Variants in EEF1D observed in about 807,000 individuals in gnomAD.
EEF1D encodes elongation factor 1-delta.
Under a neutral mutation model 63.9 loss-of-function variants are expected in EEF1D, and 47 were observed. The observed-to-expected ratio is 0.74, with a 90% CI of 0.58 to 0.94. EEF1D has a LOEUF of 0.94. EEF1D is among the 40% of genes least tolerant of loss of function. The pLI is 0.00. For synonymous variants in EEF1D, 412 were observed against 386.1 expected (o/e 1.07, Z -0.79); for missense variants, 907 against 899.0 (o/e 1.01, Z -0.11).
At chr8:143,590,657 C>A in intron 2 of EEF1D, 1 of 931,016 alleles carries the variant, frequency 1.1e-6, no homozygotes, top group Non-Finnish European at 1.3e-6. Flanking sequence ...GTAATCCCAA[C>A]ACTTTGGGAG....
Position 143,589,651 on chromosome 8 carries a change from G to A in EEF1D, c.431C>T (p.Pro144Leu). The A allele has an allele frequency of 6.5e-7, 1 of 1,543,176 alleles. No individual in the cohort carries two copies. Among genetic ancestry groups the A allele is most frequent in the Non-Finnish European group, 8.7e-7 (1 of 1,143,566 alleles). The change falls in exon 3 of 10, where the codon CCT (proline) becomes CTT (leucine). Residue 144 changes from proline (P) to leucine (L), a missense_variant. Coordinates refer to ENST00000618139, the MANE Select transcript of EEF1D (RefSeq NM_001130053.5). ...GTTTCCATGGGTGCAGAGACCCCAA[G>A]GGGCCAAGGCAGGAGGCCAGGCTGC... is the stretch of plus-strand genomic sequence containing the variant. Reference protein sequence around the residue: ...AQAAWPPALAPWGLCTHGNQV... With the variant: ...AQAAWPPALALWGLCTHGNQV...
At chr8:143,590,494 A>G in intron 2 of EEF1D, 1 of 1,144,816 alleles carries the variant, frequency 8.7e-7, no homozygotes, top group Non-Finnish European at 1.1e-6. Context: ...ATTTTTCCAC[A>G]GGCCAGGCCT....
chr8:143,591,231 G>C (rs527912147), intron 2 of EEF1D, among the ~76,000 whole-genome samples: 24 of 152,340 alleles, frequency 1.6e-4, no homozygotes, highest in African/African-American at 5.5e-4. Flanking sequence ...CTTGGTGGGA[G>C]GCAGGTTGTG....
intron 1 of EEF1D, 87 bp from the exon 2 acceptor site, chr8:143,592,747 C>T (rs1419809396): frequency 9.2e-6 from 9 of 977,230 alleles, no homozygotes; most frequent in African/African-American, 7.0e-5. Flanking sequence ...CAGCCCGGGG[C>T]GGCCGGGGGC....
chr8:143,584,162 A>AG (rs1826087854), intron 5 of EEF1D: 1 of 152,266 alleles, frequency 6.6e-6, no homozygotes, highest in Admixed American at 6.5e-5. Context: ...ATCCTGGCCC[A>AG]GGAAGTGGGG....
chr8:143,581,277 C>T lies in EEF1D; in HGVS notation c.1339G>A (p.Val447Ile), dbSNP rs760021329. The T allele has an allele frequency of 3.7e-6, 6 of 1,612,340 alleles. No individual in the cohort carries two copies. The highest frequency in any genetic ancestry group is 1.8e-4 in the Middle Eastern group (1 of 5,708). ...ACTTCCAGACTGGCAATCCGGACGA[C>T]GAGCTCACCGTGGTCTCCGCTGGTG... Reference protein sequence around the residue: ...SGTSGDHGELVVRIASLEVEN... With the variant: ...SGTSGDHGELIVRIASLEVEN... The change falls in exon 6 of 10, where the codon GTC becomes ATC. Residue 447 changes from valine to isoleucine, a missense_variant. By Grantham distance (29) the Val-to-Ile change is conservative. Coordinates refer to ENST00000618139, the MANE Select transcript of EEF1D (RefSeq NM_001130053.5).
At position 143,586,782 on chromosome 8, in the gene EEF1D, C is replaced by T; in HGVS notation, c.1162G>A (p.Glu388Lys). Residue 388 changes from glutamate (E) to lysine (K), a missense_variant, in exon 4 of 10, where the codon GAA becomes AAA. Physicochemically the swap from Glu to Lys is moderately conservative, Grantham distance 56. Coordinates refer to ENST00000618139, the MANE Select transcript of EEF1D (RefSeq NM_001130053.5). ...WFDKFKYDDA[E>K]RRFYEQMNGP... is the part of the protein sequence containing the mutation. ...TTCATCTGCTCGTAGAATCTCCTTT[C>T]TGCGTCGTCATATTTGAACTTGTCG... 2 of 1,614,212 alleles carry T rather than the reference C, an allele frequency of 1.2e-6. No homozygotes were observed. Among genetic ancestry groups the T allele is most frequent in the Non-Finnish European group, 1.7e-6 (2 of 1,180,034 alleles).
rs960688610 is a variant in EEF1D, at chr8:143,584,595, A to G, written c.1287+1624T>C. 4.0e-4 allele frequency among the ~76,000 whole-genome samples: 61 copies of G among 151,206 alleles called. 2 individuals are homozygous for G. The East Asian group carries it at 0.011, about 28-fold the overall frequency. On this transcript the variant is annotated intron_variant, in intron 5 of 9. Coordinates refer to ENST00000618139, the MANE Select transcript of EEF1D (RefSeq NM_001130053.5). Reference sequence around the variant, plus strand: ...CTCACCCACCCCCTCCAAAAGAAAAACCCTAGCCTGTCTTGAGCACCCTGT... The same window carrying G: ...CTCACCCACCCCCTCCAAAAGAAAAGCCCTAGCCTGTCTTGAGCACCCTGT...
chr8:143,595,633 A>G (rs1828670518), intron 1 of EEF1D, among the ~76,000 whole-genome samples: 1 of 152,106 alleles, frequency 6.6e-6, no homozygotes. Flanking sequence ...CAGAGCACTC[A>G]CTGTAGCTAC....
At chr8:143,580,769 C>G (rs749409266) in intron 7 of EEF1D, 42 bp from the exon 8 acceptor site, 2 of 1,603,354 alleles carry the variant, frequency 1.2e-6, no homozygotes, top group Admixed American at 1.7e-5. Flanking sequence ...TGAGACGCCC[C>G]AACCAGGGCC....
At chr8:143,584,402 A>AG (rs1044665471) in intron 5 of EEF1D, among the ~76,000 whole-genome samples, 99 of 152,028 alleles carry the variant, frequency 6.5e-4, no homozygotes, top group African/African-American at 2.2e-3. Flanking sequence ...AAAAAAAAAA[A>AG]AAAGAAAAAA....
rs767879691 is a variant in EEF1D at position 143,589,246 on chromosome 8, CG to C, written c.835del (p.Arg279GlyfsTer6). ...CTTGTTCCCTAAGATGTTGCGGCCC[CG>C]CCGGTCTCTGCGGCCCCGCCGGGCA... ...EGARRGRRDR[R>X]GRNILGNKRA... On this transcript the variant is annotated frameshift_variant, in exon 3 of 10. Coordinates refer to ENST00000618139, the MANE Select transcript of EEF1D (RefSeq NM_001130053.5). LOFTEE classifies it high-confidence loss of function. 2 of 1,581,956 alleles carry C rather than the reference CG, an allele frequency of 1.3e-6. No individual in the cohort carries two copies. Among genetic ancestry groups the C allele is most frequent in the Non-Finnish European group, 1.7e-6 (2 of 1,162,368 alleles).
intron 2 of EEF1D, chr8:143,590,898 G>C (rs1402236556): frequency 6.6e-6 from 1 of 151,708 alleles, no homozygotes; most frequent in Non-Finnish European, 1.5e-5. Context: ...CAGAGCAGGG[G>C]AAAAGAAAAA....
chr8:143,594,407 G>C (rs1001267482), intron 1 of EEF1D: 4 of 137,114 alleles, frequency 2.9e-5, no homozygotes, highest in African/African-American at 1.0e-4. Flanking sequence ...AGCCCCGGCA[G>C]ACTCCTACCC....
At chr8:143,593,544 C>T (rs1828319903) in intron 1 of EEF1D, among the ~76,000 whole-genome samples, 1 of 152,126 alleles carries the variant, frequency 6.6e-6, no homozygotes, top group African/African-American at 2.4e-5. Flanking sequence ...AGGGCCCTGC[C>T]CACCTCTGTG....
intron 5 of EEF1D, chr8:143,582,451 G>C (rs547437049): frequency 6.6e-6 from 1 of 152,522 alleles, no homozygotes; most frequent in East Asian, 1.9e-4. Flanking sequence ...AGGCTTTGGG[G>C]CGCCAGGGGG....
intron 3 of EEF1D, 29 bp from the exon 4 acceptor site, chr8:143,586,881 T>A (rs772895867): frequency 6.2e-7 from 1 of 1,611,272 alleles, no homozygotes; most frequent in African/African-American, 1.3e-5. Context: ...AAAGTCAGCA[T>A]GGCTGGGAAG....
chr8:143,587,142 T>C (rs1826824160), intron 3 of EEF1D: 1 of 244,406 alleles, frequency 4.1e-6, no homozygotes, highest in Non-Finnish European at 7.8e-6. Context: ...CGGAGGCAGG[T>C]ATGAGGGCCC....
intron 5 of EEF1D, 102 bp downstream of exon 5, chr8:143,586,117 T>G: frequency 9.2e-7 from 1 of 1,088,328 alleles, no homozygotes; most frequent in East Asian, 2.6e-5. Context: ...CACCCTGCCC[T>G]GACTCTGCTG....
Sources: allele counts gnomAD v4.1 joint callset (sites outside exome capture counted in the v4.1 genomes callset), GRCh38; gene constraint gnomAD v4.1.1; transcripts MANE v1.5; gene names NCBI Gene and HGNC (gene_info 2026-07-23, HGNC 2026-07-21).